The following PFKFB3 variants were observed in gnomAD, a reference collection of about 807,000 sequenced individuals.
PFKFB3 encodes 6-phosphofructo-2-kinase/fructose-2,6-biphosphatase 3, also known as 6-phosphofructo-2-kinase/fructose-2,6-bisphosphatase 3.
PFKFB3 carries 33 observed loss-of-function variants against 68.0 expected under a neutral mutation model. The observed-to-expected ratio is 0.49, with a 90% CI of 0.37 to 0.65. PFKFB3 has a LOEUF of 0.65. Ranked by LOEUF, PFKFB3 falls within the 30% of genes least tolerant of loss-of-function variation. PFKFB3 has a pLI of 0.00. For missense variants in PFKFB3, 586 were observed against 712.2 expected (o/e 0.82, Z 2.02); for synonymous variants, 315 against 288.2 (o/e 1.09, Z -0.94).
intron 1 of PFKFB3, among the ~76,000 whole-genome samples, chr10:6,178,440 C>T (rs375494845): frequency 1.6e-4 from 25 of 152,268 alleles, no homozygotes; most frequent in East Asian, 7.7e-4. Flanking sequence ...TTAGGGGAAA[C>T]GCAGGCAGGA....
At chr10:6,318,988 C>T in the PFKFB3 span, among the ~76,000 whole-genome samples, 17 of 152,154 alleles carry the variant, frequency 1.1e-4, no homozygotes, top group East Asian at 3.8e-4. Flanking sequence ...TACCCTAACA[C>T]GGAGGCTAGC....
chr10:6,269,959 C>T, the PFKFB3 span, among the ~76,000 whole-genome samples: 241 of 152,036 alleles, frequency 1.6e-3, 1 homozygote, highest in African/African-American at 5.6e-3. Context: ...GGTGAGACCC[C>T]CCTCTCTACT....
chr10:6,289,216 T>C, the PFKFB3 span, among the ~76,000 whole-genome samples: 71,254 of 118,366 alleles, frequency 0.6, 22,938 homozygotes, highest in East Asian at 0.73. Context: ...TAATTAGATC[T>C]CATTTGTCAA....
At chr10:6,144,945 G>A (rs1230179487) in exon 1 of PFKFB3, 11 of 1,250,816 alleles carry the variant, frequency 8.8e-6, no homozygotes, top group Admixed American at 4.3e-5. Context: ...CCGCTTGGAC[G>A]TCGTCCTGTC....
At chr10:6,191,194 A>G (rs1843014954) in intron 1 of PFKFB3, among the ~76,000 whole-genome samples, 2 of 152,234 alleles carry the variant, frequency 1.3e-5, no homozygotes, top group Admixed American at 6.5e-5. Context: ...CTGCCACAGG[A>G]AAATTATTTA....
At chr10:6,272,918 G>A in the PFKFB3 span, among the ~76,000 whole-genome samples, 1 of 151,586 alleles carries the variant, frequency 6.6e-6, no homozygotes, top group African/African-American at 2.4e-5. Flanking sequence ...AGTCTCAGAG[G>A]AAAATAAAGG....
chr10:6,202,079 G>A (rs11815715), upstream of PFKFB3, among the ~76,000 whole-genome samples: 1,503 of 152,300 alleles, frequency 9.9e-3, 24 homozygotes, highest in African/African-American at 0.034. Flanking sequence ...ATCGAAATGG[G>A]TCTAGTTTTA....
chr10:6,254,300 A>T (rs1564237956), exon 15 of PFKFB3: 1 of 398,438 alleles, frequency 2.5e-6, no homozygotes, highest in Non-Finnish European at 4.4e-6. Flanking sequence ...CCGGGGCTGC[A>T]CCAAGCATCC....
At position 6,222,279 on chromosome 10, in the gene PFKFB3, G is replaced by A. The variant is rs540277386; in HGVS notation, c.1083+534G>A. 2.0e-5 allele frequency among the ~76,000 whole-genome samples: 3 copies of A among 152,356 alleles called. No homozygotes were observed. The East Asian group carries it at 5.8e-4, about 29-fold the overall frequency. On this transcript the variant is annotated intron_variant, in intron 10 of 14. Transcript: ENST00000379775. ...TTAGCACAGCAGAGAGCCCACAGGA[G>A]CAGGAGCTTTTCTGGTCTTTTTCTA...
chr10:6,206,474 T>C (rs1393536746), intron 1 of PFKFB3, among the ~76,000 whole-genome samples: 2 of 125,838 alleles, frequency 1.6e-5, no homozygotes, highest in Admixed American at 7.7e-5. Context: ...TGGGTACACC[T>C]CCCAGACGGG....
In PFKFB3 at chr10:6,228,032, T is replaced by C. The variant is rs1365361052; in HGVS notation, c.1515+1667T>C. 6.6e-6 allele frequency among the ~76,000 whole-genome samples: 1 copy of C among 152,162 alleles called. No individual in the cohort carries two copies. The highest frequency in any genetic ancestry group is 1.5e-5 in the Non-Finnish European group (1 of 68,020). ...GCAGGGGCTGCATCCTCCTGTCCGC[T>C]TCAGAGCTGCCCCTGGCGTTGGGAG... On this transcript the variant is annotated intron_variant, in intron 14 of 14. Transcript: ENST00000379775. The surrounding 1 kb of genome is among the most constrained non-coding windows in gnomAD (Gnocchi z 4.5).
intron 1 of PFKFB3, among the ~76,000 whole-genome samples, chr10:6,173,748 G>T (rs797010886): frequency 1.1e-4 from 16 of 152,096 alleles, no homozygotes; most frequent in African/African-American, 3.9e-4. Context: ...GGAGGGGAAA[G>T]GTTGCTTGAG....
Position 6,219,665 on chromosome 10 carries a change from C to G in PFKFB3, c.595C>G (p.Gln199Glu). ...KRISCYEASY[Q>E]PLDPDKCDRD... ...GATCAGTTGCTATGAAGCCAGCTAC[C>G]AGCCCCTCGACCCCGACAAATGCGA... The change falls in exon 7 of 15, where the codon CAG becomes GAG. Residue 199 changes from glutamine (Q) to glutamate (E), a missense_variant. Transcript: ENST00000379775. 1 of 1,613,874 alleles carries G rather than the reference C, an allele frequency of 6.2e-7. No individual in the cohort carries two copies. Among genetic ancestry groups the G allele is most frequent in the Non-Finnish European group, 8.5e-7 (1 of 1,179,822 alleles).
chr10:6,151,982 A>T (rs1356583037), intron 1 of PFKFB3, among the ~76,000 whole-genome samples: 2 of 151,786 alleles, frequency 1.3e-5, no homozygotes, highest in African/African-American at 4.8e-5. Flanking sequence ...CTAAAAAAAA[A>T]AAAAACCTGA....
At chr10:6,146,732 A>G (rs942422379) in intron 1 of PFKFB3, among the ~76,000 whole-genome samples, 1 of 152,226 alleles carries the variant, frequency 6.6e-6, no homozygotes. Context: ...CTGCTAATGT[A>G]TTGTTTGCAT....
chr10:6,216,323 A>G lies in PFKFB3; in HGVS notation c.366+132A>G, dbSNP rs1844578311. 4 of 872,452 alleles carry G rather than the reference A, an allele frequency of 4.6e-6. No homozygotes were observed. In the Admixed American group the frequency reaches 5.5e-5, roughly 12 times the overall value. The allele number at this position is 872,452 out of a possible 1,614,324, so 54.0% of individuals were successfully genotyped here. On this transcript the variant is annotated intron_variant, in intron 4 of 14. Coordinates refer to ENST00000379775, the MANE Select transcript of PFKFB3 (RefSeq NM_004566.4). Reference sequence around the variant, plus strand: ...GAAAGCAGGTGGCCAGGGCAGCCCAATGGCTCAGGAAGGAGGATGTGGGGT... The same window carrying G: ...GAAAGCAGGTGGCCAGGGCAGCCCAGTGGCTCAGGAAGGAGGATGTGGGGT...
intron 6 of PFKFB3, among the ~76,000 whole-genome samples, chr10:6,218,712 C>T (rs113235230): frequency 0.034 from 5,133 of 152,178 alleles, 302 homozygotes; most frequent in African/African-American, 0.12. Context: ...GGATTACAGG[C>T]GTGAGCCACT....
Position 6,216,206 on chromosome 10 carries a change from T to C in PFKFB3, c.366+15T>C, listed in dbSNP as rs1052219587. 2.5e-6 allele frequency: 4 copies of C among 1,612,880 alleles called. No individual in the cohort carries two copies. The highest frequency in any genetic ancestry group is 2.2e-5 in the South Asian group (2 of 91,076). ...GACAAATTGCGGTAAGTCCAGGCAA[T>C]GTAGCCGGCTCGGTGTCCAGTCCCA... On this transcript the variant is annotated intron_variant, in intron 4 of 14. Transcript: ENST00000379775.
At chr10:6,190,036 C>T (rs879487090) in intron 1 of PFKFB3, among the ~76,000 whole-genome samples, 4 of 150,976 alleles carry the variant, frequency 2.6e-5, no homozygotes, top group Admixed American at 6.6e-5. Context: ...CTCTGCCTTC[C>T]GGGTTCAAGT....
Sources: gnomAD v4.1 joint callset for allele counts (sites outside exome capture counted in the v4.1 genomes callset) on GRCh38, gnomAD v4.1.1 for gene constraint, Gnocchi (gnomAD v3.1) non-coding constraint, MANE v1.5 for transcripts, NCBI Gene and HGNC (gene_info 2026-07-23, HGNC 2026-07-21) for gene names.